The following EYS variants were observed in gnomAD, a reference collection of about 807,000 sequenced individuals.
EYS encodes EGF-like photoreceptor maintenance factor, also known as protein eyes shut homolog.
In EYS, 250 loss-of-function variants were observed where a neutral mutation model predicts 282.1. The ratio of observed to expected loss-of-function variants is 0.89; its 90% CI spans 0.80 to 0.98. EYS has a LOEUF of 0.98. Among genes scored for constraint, EYS ranks in the 50% least tolerant of loss-of-function variants. The probability of loss-of-function intolerance (pLI) is 0.00; values close to 1 mark genes in which losing one functional copy is unlikely to be tolerated. For missense variants in EYS, 4,016 were observed against 3,709.0 expected (o/e 1.08, Z -2.15); for synonymous variants, 1,355 against 1,282.9 (o/e 1.06, Z -1.20).
chr6:65,627,569 G>C (rs540654397), intron 2 of EYS, among the ~76,000 whole-genome samples: 1 of 152,136 alleles, frequency 6.6e-6, no homozygotes, highest in African/African-American at 2.4e-5. Flanking sequence ...CCGCGCTTGC[G>C]GGCCAGCTGG....
intron 19 of EYS, among the ~76,000 whole-genome samples, chr6:64,851,264 T>C (rs2150041835): frequency 6.6e-6 from 1 of 152,164 alleles, no homozygotes; most frequent in East Asian, 1.9e-4. Flanking sequence ...GCAATAGAGT[T>C]TTCCTTGATG....
chr6:64,797,635 G>A (rs1366471868), intron 22 of EYS, among the ~76,000 whole-genome samples: 1 of 151,938 alleles, frequency 6.6e-6, no homozygotes, highest in East Asian at 1.9e-4. Context: ...TAAAATAAAG[G>A]TTACTATAAA....
At chr6:64,646,858 C>T (rs1768373466) in intron 22 of EYS, among the ~76,000 whole-genome samples, 1 of 151,598 alleles carries the variant, frequency 6.6e-6, no homozygotes, top group Non-Finnish European at 1.5e-5. Context: ...TGCATTATTC[C>T]TCATGAGCAT....
intron 31 of EYS, among the ~76,000 whole-genome samples, chr6:64,091,329 T>A (rs186582633): frequency 4.6e-5 from 7 of 152,310 alleles, no homozygotes; most frequent in Non-Finnish European, 7.4e-5. Context: ...TCAATGGTTA[T>A]GTCCTTATTT....
chr6:65,460,848 G>A (rs947462778), intron 5 of EYS, among the ~76,000 whole-genome samples: 8 of 151,974 alleles, frequency 5.3e-5, no homozygotes, highest in African/African-American at 1.9e-4. Context: ...CCATTAACAC[G>A]ATGCATTACT....
At chr6:64,976,179 C>T (rs1224918305) in intron 14 of EYS, among the ~76,000 whole-genome samples, 2 of 151,634 alleles carry the variant, frequency 1.3e-5, no homozygotes, top group African/African-American at 2.4e-5. Context: ...TATATTGAAC[C>T]GCCTCTTTTT....
intron 22 of EYS, among the ~76,000 whole-genome samples, chr6:64,774,373 T>C (rs757899983): frequency 1.1e-4 from 17 of 151,932 alleles, no homozygotes; most frequent in Non-Finnish European, 2.1e-4. Flanking sequence ...TGGTATTATT[T>C]AATGTTGACT....
chr6:64,373,800 C>G (rs1026742435), intron 29 of EYS, among the ~76,000 whole-genome samples: 20 of 152,306 alleles, frequency 1.3e-4, no homozygotes, highest in African/African-American at 4.3e-4. Context: ...ACCAGAAGCT[C>G]TAGTAGGCTT....
At chr6:65,676,915 A>G (rs1446145337) in intron 1 of EYS, among the ~76,000 whole-genome samples, 1 of 151,754 alleles carries the variant, frequency 6.6e-6, no homozygotes, top group Non-Finnish European at 1.5e-5. Context: ...AAATCTATCC[A>G]TATGATACAC....
At position 65,359,016 on chromosome 6, in the gene EYS, A is replaced by G. The variant is rs569129712; in HGVS notation, c.1300-5399T>C. 7.6e-4 allele frequency among the ~76,000 whole-genome samples: 116 copies of G among 152,164 alleles called. 1 individual carries two copies. The highest frequency in any genetic ancestry group is 1.9e-3 in the Admixed American group (29 of 15,242). ...AACATGCCTTTGGAAGCAAACATCTATCTTACTTTTGACAGTGAACTAATT... is the reference window on the plus strand; with the variant it reads ...AACATGCCTTTGGAAGCAAACATCTGTCTTACTTTTGACAGTGAACTAATT... On this transcript the variant is annotated intron_variant, in intron 8 of 42. Transcript: ENST00000503581.
intron 31 of EYS, among the ~76,000 whole-genome samples, chr6:64,092,053 C>G (rs532568681): frequency 6.6e-6 from 1 of 152,276 alleles, no homozygotes; most frequent in South Asian, 2.1e-4. Context: ...TTTCCAAACT[C>G]ATCCATGTCC....
intron 36 of EYS, among the ~76,000 whole-genome samples, chr6:63,838,327 G>A (rs984948429): frequency 6.6e-6 from 1 of 151,866 alleles, no homozygotes; most frequent in African/African-American, 2.4e-5. Context: ...TTAGTATAAA[G>A]ATTTATGTAA....
intron 4 of EYS, among the ~76,000 whole-genome samples, 176 bp from the exon 5 acceptor site, chr6:65,490,883 C>T (rs922721340): frequency 6.6e-6 from 1 of 151,982 alleles, no homozygotes; most frequent in Non-Finnish European, 1.5e-5. Context: ...TGATACTTTA[C>T]ATAAGTTTTT....
intron 19 of EYS, among the ~76,000 whole-genome samples, chr6:64,864,424 T>A (rs1247657629): frequency 6.9e-6 from 1 of 144,134 alleles, no homozygotes; most frequent in African/African-American, 2.6e-5. Flanking sequence ...TCTTGCTCTG[T>A]CACCAGGCTG....
At chr6:63,743,764 G>GA (rs1769142093) in intron 41 of EYS, among the ~76,000 whole-genome samples, 1 of 152,188 alleles carries the variant, frequency 6.6e-6, no homozygotes, top group South Asian at 2.1e-4. Context: ...GTTTAAAGAA[G>GA]AACATTTGAG....
chr6:64,473,860 T>A (rs1562014560), intron 26 of EYS, among the ~76,000 whole-genome samples: 1 of 152,152 alleles, frequency 6.6e-6, no homozygotes, highest in Non-Finnish European at 1.5e-5. Flanking sequence ...TAGTTATTGG[T>A]TTCAGAAAAA....
chr6:65,399,510 A>G (rs892035568), intron 7 of EYS, among the ~76,000 whole-genome samples: 3 of 152,168 alleles, frequency 2.0e-5, no homozygotes, highest in African/African-American at 7.2e-5. Flanking sequence ...AATATCTTAC[A>G]GTAGAGTAGA....
intron 35 of EYS, among the ~76,000 whole-genome samples, chr6:63,932,831 G>C (rs763065105): frequency 2.0e-5 from 3 of 152,170 alleles, no homozygotes; most frequent in Non-Finnish European, 2.9e-5. Flanking sequence ...CCTGGAGATA[G>C]TATCAGATCC....
intron 35 of EYS, among the ~76,000 whole-genome samples, chr6:63,897,712 A>AG (rs1773568317): frequency 6.6e-6 from 1 of 152,218 alleles, no homozygotes; most frequent in Non-Finnish European, 1.5e-5. Context: ...ACAAGTCCTT[A>AG]CTGTGTTTCT....
Sources: allele counts gnomAD v4.1 joint callset (sites outside exome capture counted in the v4.1 genomes callset), GRCh38; gene constraint gnomAD v4.1.1; transcripts MANE v1.5; gene names NCBI Gene and HGNC (gene_info 2026-07-23, HGNC 2026-07-21).